RNGTT: variants seen among roughly 807,000 people sequenced by gnomAD.
RNGTT encodes the protein RNA guanylyltransferase and 5'-phosphatase, also known as mRNA-capping enzyme.
RNGTT carries 33 observed loss-of-function variants against 79.3 expected under a neutral mutation model. The observed-to-expected ratio is 0.42, with a 90% CI of 0.32 to 0.56. The LOEUF (loss-of-function observed/expected upper bound fraction) is 0.56. RNGTT is among the 20% of genes least tolerant of loss of function. The pLI is 0.17. For synonymous variants in RNGTT, 222 were observed against 235.9 expected (o/e 0.94, Z 0.54); for missense variants, 497 against 739.1 (o/e 0.67, Z 3.80).
intron 14 of RNGTT, among the ~76,000 whole-genome samples, chr6:88,654,478 A>T (rs1471067104): frequency 6.6e-6 from 1 of 152,216 alleles, no homozygotes; most frequent in Non-Finnish European, 1.5e-5. Flanking sequence ...CTTGGGAGAC[A>T]GAGTAGATGT....
chr6:88,612,684 C>G lies in RNGTT; in HGVS notation c.*35G>C, dbSNP rs756816901. On this transcript the variant is annotated 3_prime_UTR_variant, in exon 16 of 16. Coordinates refer to ENST00000369485, the MANE Select transcript of RNGTT (RefSeq NM_003800.5). Reference sequence around the variant, plus strand: ...GGGCAACAGCGTTTTTTCCTCATTCCTCTTTCTTCTTAACCCTCAAGTCAC... The same window carrying G: ...GGGCAACAGCGTTTTTTCCTCATTCGTCTTTCTTCTTAACCCTCAAGTCAC... 10 of 1,573,440 alleles carry G rather than the reference C, an allele frequency of 6.4e-6. No individual in the cohort carries two copies. Among genetic ancestry groups the G allele is most frequent in the Non-Finnish European group, 8.6e-6 (10 of 1,159,406 alleles).
chr6:88,949,159 G>GAAAAAAAAAAAAAAAAAAAAAAA, intron 1 of RNGTT, among the ~76,000 whole-genome samples: 16 of 50,510 alleles, frequency 3.2e-4, no homozygotes, highest in Non-Finnish European at 4.3e-4. Context: ...AAAATAAAAT[G>GAAAAAAAAAAAAAAAAAAAAAAA]AAAAAAAAAA....
At chr6:88,670,539 C>A (rs1774596559) in intron 14 of RNGTT, among the ~76,000 whole-genome samples, 1 of 152,120 alleles carries the variant, frequency 6.6e-6, no homozygotes, top group Non-Finnish European at 1.5e-5. Context: ...TCTCCTGTTT[C>A]ATGAGAAAGC....
chr6:88,760,126 G>A (rs1313263313), intron 13 of RNGTT, among the ~76,000 whole-genome samples: 1 of 152,140 alleles, frequency 6.6e-6, no homozygotes, highest in Non-Finnish European at 1.5e-5. Flanking sequence ...AAATTAACAA[G>A]TAAAAATAAG....
intron 11 of RNGTT, among the ~76,000 whole-genome samples, chr6:88,822,541 T>A (rs1314318886): frequency 1.3e-5 from 2 of 152,176 alleles, no homozygotes; most frequent in African/African-American, 4.8e-5. Context: ...GTAAATAAAC[T>A]ATTCTCTGTC....
intron 12 of RNGTT, among the ~76,000 whole-genome samples, chr6:88,781,595 C>T (rs1164909150): frequency 6.6e-6 from 1 of 151,900 alleles, no homozygotes; most frequent in Admixed American, 6.6e-5. Flanking sequence ...ATCCACTCCT[C>T]TAAGACTCCA....
chr6:88,784,789 A>G (rs920809007), intron 12 of RNGTT, among the ~76,000 whole-genome samples: 19 of 152,208 alleles, frequency 1.2e-4, no homozygotes, highest in African/African-American at 4.6e-4. Context: ...ATGTCTCCCT[A>G]GATGCCTAAA....
chr6:88,900,755 T>TA (rs796368449), intron 6 of RNGTT, among the ~76,000 whole-genome samples: 3,418 of 61,008 alleles, frequency 0.056, 111 homozygotes, highest in African/African-American at 0.16. Flanking sequence ...ATAAAAAGAA[T>TA]AAAAAAAAAA....
At chr6:88,875,107 A>T (rs188468417) in intron 8 of RNGTT, among the ~76,000 whole-genome samples, 3 of 152,242 alleles carry the variant, frequency 2.0e-5, no homozygotes, top group East Asian at 3.9e-4. Context: ...TTAAAGCAGT[A>T]AATATTGTCT....
intron 11 of RNGTT, among the ~76,000 whole-genome samples, chr6:88,840,583 G>A (rs894650019): frequency 6.6e-6 from 1 of 152,050 alleles, no homozygotes; most frequent in Non-Finnish European, 1.5e-5. Context: ...ATTTTTTGTA[G>A]AGACAGGGTT....
At chr6:88,797,883 TA>T in intron 12 of RNGTT, among the ~76,000 whole-genome samples, 1 of 72,356 alleles carries the variant, frequency 1.4e-5, no homozygotes, top group South Asian at 3.4e-4. Flanking sequence ...AGATTATGTA[TA>T]AAATACAAAA....
At chr6:88,788,613 T>C (rs1476782053) in intron 12 of RNGTT, among the ~76,000 whole-genome samples, 1 of 152,222 alleles carries the variant, frequency 6.6e-6, no homozygotes, top group Non-Finnish European at 1.5e-5. Context: ...GTAATATTAG[T>C]AAATCAGCAG....
chr6:88,870,555 A>AT (rs1239781809), intron 8 of RNGTT, among the ~76,000 whole-genome samples: 2 of 151,940 alleles, frequency 1.3e-5, no homozygotes. Flanking sequence ...GAGAATCTTC[A>AT]TATCATTCTT....
intron 10 of RNGTT, among the ~76,000 whole-genome samples, chr6:88,846,774 AT>A (rs1319575267): frequency 2.6e-5 from 4 of 150,954 alleles, no homozygotes; most frequent in African/African-American, 9.8e-5. Context: ...AAAAAAAAAA[AT>A]GTATGCTAAC....
intron 1 of RNGTT, among the ~76,000 whole-genome samples, chr6:88,945,969 T>C (rs1204704801): frequency 1.3e-5 from 2 of 152,234 alleles, no homozygotes; most frequent in Non-Finnish European, 2.9e-5. Context: ...ATACAACACA[T>C]TCCGATATGA....
At chr6:88,832,250 C>G (rs1287603489) in intron 11 of RNGTT, among the ~76,000 whole-genome samples, 3 of 152,074 alleles carry the variant, frequency 2.0e-5, no homozygotes, top group African/African-American at 7.2e-5. Flanking sequence ...GATATATAGA[C>G]CAATGGAACA....
chr6:88,705,221 ATAGT>A (rs1390129650), intron 13 of RNGTT, among the ~76,000 whole-genome samples: 1 of 152,212 alleles, frequency 6.6e-6, no homozygotes, highest in African/African-American at 2.4e-5. Flanking sequence ...GCCTCTAAGC[ATAGT>A]GTGTGACACA....
intron 12 of RNGTT, among the ~76,000 whole-genome samples, chr6:88,793,017 G>A (rs9344876): frequency 0.13 from 19,529 of 152,056 alleles, 1,433 homozygotes; most frequent in Middle Eastern, 0.23. Context: ...AATTAACTAG[G>A]ATGGGTAGAC....
chr6:88,930,268 G>T, intron 2 of RNGTT, among the ~76,000 whole-genome samples: 1 of 144,590 alleles, frequency 6.9e-6, no homozygotes. Flanking sequence ...CCCTTTCTTT[G>T]TTATTAACAA....
Sources: gnomAD v4.1 joint callset for allele counts (sites outside exome capture counted in the v4.1 genomes callset) on GRCh38, gnomAD v4.1.1 for gene constraint, MANE v1.5 for transcripts, NCBI Gene and HGNC (gene_info 2026-07-23, HGNC 2026-07-21) for gene names.